The following NOTUM variants were observed in gnomAD, a reference collection of about 807,000 sequenced individuals.
The protein encoded by NOTUM is notum, palmitoleoyl-protein carboxylesterase.
NOTUM carries 36 observed loss-of-function variants against 65.5 expected under a neutral mutation model. That is an observed-to-expected ratio of 0.55 (90% CI 0.42 to 0.73). The LOEUF is 0.73. Ranked by LOEUF, NOTUM falls within the 30% of genes least tolerant of loss-of-function variation. The pLI, the probability that NOTUM is intolerant of heterozygous loss-of-function variation, is 0.00. For missense variants in NOTUM, 659 were observed against 694.2 expected (o/e 0.95, Z 0.57); for synonymous variants, 356 against 297.9 (o/e 1.20, Z -2.01).
At chr17:81,954,656 C>T (rs2041414606) in intron 9 of NOTUM, among the ~76,000 whole-genome samples, 2 of 152,222 alleles carry the variant, frequency 1.3e-5, no homozygotes, top group South Asian at 4.1e-4. Context: ...GTGGTACAAT[C>T]GAAGCTTGCT....
chr17:81,954,328 G>C, intron 9 of NOTUM, 25 bp from the exon 10 acceptor site: 1 of 1,592,894 alleles, frequency 6.3e-7, no homozygotes. Context: ...ACAGTGGCTT[G>C]TGAGCTCCTT....
In NOTUM at chr17:81,958,932, T is replaced by C; in HGVS notation, c.533+3A>G. The stretch of plus-strand genomic sequence containing the variant: ...TCCCAGGCAAGACCCTGTGCCCCCT[T>C]ACACCATGTTTGCGTTCCACCAGTA... On this transcript the variant is annotated splice_donor_region_variant and intron_variant, in intron 4 of 10. Transcript: ENST00000409678. 6.2e-7 allele frequency: 1 copy of C among 1,611,624 alleles called. No individual in the cohort carries two copies. The highest frequency in any genetic ancestry group is 8.5e-7 in the Non-Finnish European group (1 of 1,178,448).
At chr17:81,954,366 C>G in intron 9 of NOTUM, 63 bp from the exon 10 acceptor site, 1 of 1,236,772 alleles carries the variant, frequency 8.1e-7, no homozygotes, top group Non-Finnish European at 1.2e-6. Context: ...TCCACCCCCA[C>G]TCCCCTAGAG....
Position 81,957,208 on chromosome 17 carries a change from A to G in NOTUM, c.696-134T>C, listed in dbSNP as rs1039168984. The G allele has an allele frequency of 6.3e-5, 45 of 716,896 alleles. No individual in the cohort carries two copies. In the Admixed American group the frequency reaches 6.6e-4, roughly 10 times the overall value. The allele number at this position is 716,896 out of a possible 1,614,324, so 44.4% of individuals were successfully genotyped here. On this transcript the variant is annotated intron_variant, in intron 6 of 10. Transcript: ENST00000409678. ...GTTCTGAACTGCGGATGCATTCTGC[A>G]TTCTCTGTTCACGTGCAAGACCCAT... is the stretch of plus-strand genomic sequence containing the variant.
chr17:81,954,927 C>G (rs992968236), intron 9 of NOTUM, among the ~76,000 whole-genome samples: 1 of 96,890 alleles, frequency 1.0e-5, no homozygotes, highest in Non-Finnish European at 2.1e-5. Context: ...CAAGACCGAT[C>G]TCGATCTCTC....
chr17:81,956,449 G>A (rs112243224), intron 8 of NOTUM, among the ~76,000 whole-genome samples: 12 of 149,954 alleles, frequency 8.0e-5, no homozygotes, highest in Non-Finnish European at 1.5e-4. Flanking sequence ...GCACACAGCC[G>A]GCCTCCTCCC....
At chr17:81,959,870 G>C in intron 1 of NOTUM, 178 bp from the exon 2 acceptor site, 1 of 230,748 alleles carries the variant, frequency 4.3e-6, no homozygotes, top group Admixed American at 5.7e-5. Context: ...CCGGGAGGTG[G>C]CGCTCGCGGG....
chr17:81,954,273 A>T lies in NOTUM; in HGVS notation c.1167T>A (p.His389Gln). ...ACACTGACCTCCGGATGATGATCTC[A>T]TGGGAGAGGCAGGCGGGGGCAAAGC... ...PASFAPACLS[H>Q]EIIIRSHWTD... is the part of the protein sequence containing the mutation. The change falls in exon 10 of 11, where the codon CAT (histidine) becomes CAA (glutamine). Residue 389 changes from histidine (H) to glutamine (Q), a missense_variant. Coordinates refer to ENST00000409678, the MANE Select transcript of NOTUM (RefSeq NM_178493.6). 6.2e-7 allele frequency: 1 copy of T among 1,603,438 alleles called. No homozygotes were observed. The highest frequency in any genetic ancestry group is 1.1e-5 in the South Asian group (1 of 90,820).
chr17:81,960,147 G>C lies in NOTUM; in HGVS notation c.323+440C>G, dbSNP rs1339910215. Reference sequence around the variant, plus strand: ...CACGCCCAAGTCTCCCGCTGTCCCCGGCTGTCCTCGGCCTGTTGAGCGCGT... The same window carrying C: ...CACGCCCAAGTCTCCCGCTGTCCCCCGCTGTCCTCGGCCTGTTGAGCGCGT... On this transcript the variant is annotated intron_variant, in intron 1 of 10. Coordinates refer to ENST00000409678, the MANE Select transcript of NOTUM (RefSeq NM_178493.6). This position sits in a 1 kb window ranked among gnomAD's most constrained non-coding sequence, Gnocchi z 6.4. 6.6e-6 allele frequency among the ~76,000 whole-genome samples: 1 copy of C among 152,086 alleles called. No individual in the cohort carries two copies. Among genetic ancestry groups the C allele is most frequent in the Admixed American group, 6.5e-5 (1 of 15,280 alleles).
rs955081321 is a variant in NOTUM at position 81,959,565 on chromosome 17, G to T, written c.378C>A (p.Gly126=). The part of the protein sequence containing the change: ...GSRRWLLFLE[G]GWYCFNRENC... ...TCTCGCGGTTGAAGCAGTACCAGCCGCCTGCGGACACGACCGCCGCTCAGG... is the reference window on the plus strand; with the variant it reads ...TCTCGCGGTTGAAGCAGTACCAGCCTCCTGCGGACACGACCGCCGCTCAGG... Residue 126 remains glycine (G), a splice_region_variant and synonymous_variant, in exon 3 of 11, where the codon GGC becomes GGA. Transcript: ENST00000409678. 5 of 1,548,616 alleles carry T rather than the reference G, an allele frequency of 3.2e-6. No individual in the cohort carries two copies. Among genetic ancestry groups the T allele is most frequent in the Non-Finnish European group, 4.4e-6 (5 of 1,146,330 alleles).
At chr17:81,959,036 G>T in intron 3 of NOTUM, 41 bp from the exon 4 acceptor site, 1 of 1,564,368 alleles carries the variant, frequency 6.4e-7, no homozygotes, top group Non-Finnish European at 8.8e-7. Flanking sequence ...GCGGGAGGAG[G>T]CTGTGTAGGG....
chr17:81,959,763 C>T (rs1200010726), intron 1 of NOTUM, 71 bp from the exon 2 acceptor site: 2 of 972,460 alleles, frequency 2.1e-6, no homozygotes, highest in South Asian at 3.5e-5. Flanking sequence ...CGCCCAGCTC[C>T]GGCGGAGGGA....
intron 9 of NOTUM, among the ~76,000 whole-genome samples, chr17:81,954,751 G>A (rs141255966): frequency 0.026 from 3,940 of 152,234 alleles, 179 homozygotes; most frequent in African/African-American, 0.09. Context: ...CTGAGTAGCT[G>A]GGATTACAGG....
rs1180128443 is a variant in NOTUM, at chr17:81,953,013, G to A, written c.1439C>T (p.Pro480Leu). 3.1e-6 allele frequency: 5 copies of A among 1,614,034 alleles called. No individual in the cohort carries two copies. Among genetic ancestry groups the A allele is most frequent in the Non-Finnish European group, 3.4e-6 (4 of 1,180,012 alleles). ...CAGCTCACTGGGCTCCAGTCCCTGCGGCTGGGCCACCGTCTGCATGTCGAA... is the reference window on the plus strand; with the variant it reads ...CAGCTCACTGGGCTCCAGTCCCTGCAGCTGGGCCACCGTCTGCATGTCGAA... ...MGFDMQTVAQ[P>L]QGLEPSELLG... Residue 480 changes from proline to leucine, a missense_variant, in exon 11 of 11, where the codon CCG (proline) becomes CTG (leucine). Pro to Leu is a moderately conservative substitution (Grantham distance 98). Transcript: ENST00000409678.
intron 10 of NOTUM, among the ~76,000 whole-genome samples, chr17:81,953,905 C>T (rs952528055): frequency 8.5e-5 from 13 of 152,048 alleles, no homozygotes; most frequent in African/African-American, 2.7e-4. Context: ...CCTCAGCCTC[C>T]GGAGTAGCTG....
chr17:81,954,987 T>C (rs2041420257), intron 9 of NOTUM, among the ~76,000 whole-genome samples: 1 of 151,916 alleles, frequency 6.6e-6, no homozygotes, highest in African/African-American at 2.4e-5. Context: ...TCTCTCTATA[T>C]ATGTATTTTT....
In NOTUM at chr17:81,959,545, CG is replaced by C; in HGVS notation, c.397del (p.Arg133AlafsTer15). The C allele has an allele frequency of 6.5e-7, 1 of 1,549,118 alleles. No individual in the cohort carries two copies. Reference protein sequence around the residue: ...FLEGGWYCFNRENCDSRYDTM... With the variant: ...FLEGGWYCFNXENCDSRYDTM... ...GTCGTATCTGGAGTCGCAGTTCTCG[CG>C]GTTGAAGCAGTACCAGCCGCCTGCG... On this transcript the variant is annotated frameshift_variant, in exon 3 of 11. Coordinates refer to ENST00000409678, the MANE Select transcript of NOTUM (RefSeq NM_178493.6). LOFTEE classifies it high-confidence loss of function.
Position 81,960,827 on chromosome 17 carries a change from C to A in NOTUM, c.83G>T (p.Arg28Leu), listed in dbSNP as rs1426288099. The change falls in exon 1 of 11, where the codon CGC becomes CTC. Residue 28 changes from arginine to leucine, a missense_variant. Arg to Leu is a moderately radical substitution (Grantham distance 102). Transcript: ENST00000409678. The surrounding 1 kb of genome is among the most constrained non-coding windows in gnomAD (Gnocchi z 6.4). ...GGGAGGAGGCGGCTGCTGACCCCGG[C>A]GCCGCCAGGTCTTCCTGCCCTCGCT... ...GGSEGRKTWR[R>L]RGQQPPPPPR... 6.6e-7 allele frequency: 1 copy of A among 1,523,802 alleles called. No homozygotes were observed. Among genetic ancestry groups the A allele is most frequent in the South Asian group, 1.2e-5 (1 of 82,664 alleles). 94.4% of individuals were successfully genotyped at this position (1,523,802 alleles called of 1,614,324 possible). A position where few individuals can be genotyped will look rare whatever the true frequency, so the allele number is the denominator to read the frequency against.
chr17:81,959,397 G>A, intron 3 of NOTUM, 74 bp downstream of exon 3: 11 of 1,176,026 alleles, frequency 9.4e-6, no homozygotes, highest in Non-Finnish European at 1.2e-5. Context: ...GGGCCTGGCT[G>A]GGGCTCCAGG....
Sources: allele counts gnomAD v4.1 joint callset (sites outside exome capture counted in the v4.1 genomes callset), GRCh38; gene constraint gnomAD v4.1.1; non-coding constraint Gnocchi (gnomAD v3.1); transcripts MANE v1.5; gene names NCBI Gene and HGNC (gene_info 2026-07-23, HGNC 2026-07-21).